Variants in RNF151 observed in about 807,000 individuals in gnomAD.
RNF151 encodes ring finger protein 151.
A neutral mutation model predicts 11.1 loss-of-function variants in RNF151; 9 were observed. The ratio of observed to expected loss-of-function variants is 0.81; its 90% CI spans 0.49 to 1.42. RNF151 has a LOEUF of 1.42. Among genes scored for constraint, RNF151 ranks in the 40% most tolerant of loss-of-function variants. The pLI is 0.00. For synonymous variants in RNF151, 172 were observed against 140.7 expected (o/e 1.22, Z -1.58); for missense variants, 372 against 342.9 (o/e 1.08, Z -0.67).
chr16:1,968,668 T>C lies in RNF151; in HGVS notation c.481T>C (p.Tyr161His). Residue 161 changes from tyrosine to histidine, a missense_variant, in exon 4 of 4, where the codon TAC becomes CAC. Tyr to His is a moderately conservative substitution (Grantham distance 83). Coordinates refer to ENST00000569714, the MANE Select transcript of RNF151 (RefSeq NM_174903.6). The part of the protein sequence containing the change: ...DPAERARHNC[Y>H]RELHNAWSVR... The stretch of plus-strand genomic sequence containing the variant: ...GGCCGAGCGTGCTCGCCACAACTGC[T>C]ACCGGGAGCTGCACAACGCCTGGAG... The C allele has an allele frequency of 6.4e-7, 1 of 1,567,984 alleles. No individual in the cohort carries two copies. Among genetic ancestry groups the C allele is most frequent in the Non-Finnish European group, 8.6e-7 (1 of 1,157,384 alleles).
In RNF151 at chr16:1,967,735, T is replaced by C. The variant is rs1403327823; in HGVS notation, c.160T>C (p.Cys54Arg). ...ILRWLARQKT[C>R]PCCRKEVKRK... ...CATGCCTCCTTCCAGACAAAAGACC[T>C]GTCCGTGCTGTAGGAAAGAGGTGAA... is the stretch of plus-strand genomic sequence containing the variant. The change falls in exon 3 of 4, where the codon TGT becomes CGT. Residue 54 changes from cysteine (C) to arginine (R), a missense_variant. By Grantham distance (180) the Cys-to-Arg change is radical. Coordinates refer to ENST00000569714, the MANE Select transcript of RNF151 (RefSeq NM_174903.6). 1.9e-6 allele frequency: 3 copies of C among 1,610,308 alleles called. No individual in the cohort carries two copies.
intron 1 of RNF151, 133 bp from the exon 2 acceptor site, chr16:1,967,141 G>T: frequency 8.2e-7 from 1 of 1,223,614 alleles, no homozygotes; most frequent in South Asian, 1.5e-5. Flanking sequence ...CAAAGTGGGC[G>T]CTGAGCCAAC....
chr16:1,966,896 GC>G lies in RNF151; in HGVS notation c.3+15del. The G allele has an allele frequency of 1.3e-6, 2 of 1,574,836 alleles. No individual in the cohort carries two copies. The highest frequency in any genetic ancestry group is 1.7e-6 in the Non-Finnish European group (2 of 1,156,078). On this transcript the variant is annotated intron_variant, in intron 1 of 3. Coordinates refer to ENST00000569714, the MANE Select transcript of RNF151 (RefSeq NM_174903.6). The stretch of plus-strand genomic sequence containing the variant: ...AGACGCAGATCATGGTGAGCCTGGG[GC>G]CCTCTTGCTTCCAGCCCTGAGATGT...
intron 3 of RNF151, chr16:1,968,120 C>T (rs926766716): frequency 1.6e-5 from 10 of 644,146 alleles, no homozygotes; most frequent in African/African-American, 5.5e-5. Flanking sequence ...CCTGCCACTA[C>T]TCTCTAGTCC....
At chr16:1,968,251 C>T (rs2083328542) in intron 3 of RNF151, among the ~76,000 whole-genome samples, 183 bp from the exon 4 acceptor site, 2 of 152,200 alleles carry the variant, frequency 1.3e-5, no homozygotes, top group African/African-American at 4.8e-5. Context: ...ACCCTCTCCC[C>T]TGGAACTTCT....
At chr16:1,967,577 G>A (rs112977886) in intron 2 of RNF151, 148 bp from the exon 3 acceptor site, 113 of 913,162 alleles carry the variant, frequency 1.2e-4, no homozygotes, top group East Asian at 1.2e-3. Context: ...TGCAGACCCC[G>A]GCCCCACCCT....
chr16:1,967,810 C>A lies in RNF151; in HGVS notation c.235C>A (p.Leu79Met). The A allele has an allele frequency of 6.2e-7, 1 of 1,608,010 alleles. No homozygotes were observed. Residue 79 changes from leucine to methionine, a missense_variant, in exon 3 of 4, where the codon CTG (leucine) becomes ATG (methionine). Leu to Met is a conservative substitution (Grantham distance 15). Coordinates refer to ENST00000569714, the MANE Select transcript of RNF151 (RefSeq NM_174903.6). ...MNKLRKTIGR[L>M]EVKCKNADAG... is the part of the protein sequence containing the mutation. Reference sequence around the variant, plus strand: ...TAAACTCCGGAAAACCATTGGCCGCCTGGAAGTCAAGGTAGCTCAAAGTAC... The same window carrying A: ...TAAACTCCGGAAAACCATTGGCCGCATGGAAGTCAAGGTAGCTCAAAGTAC...
At chr16:1,967,668 T>C in intron 2 of RNF151, 57 bp from the exon 3 acceptor site, 5 of 1,410,424 alleles carry the variant, frequency 3.5e-6, no homozygotes, top group Non-Finnish European at 4.9e-6. Flanking sequence ...GAGTGAGGGC[T>C]TGACCAGGGC....
chr16:1,967,931 G>A (rs2150877657), intron 3 of RNF151, 110 bp downstream of exon 3: 2 of 813,022 alleles, frequency 2.5e-6, no homozygotes, highest in East Asian at 2.7e-5. Flanking sequence ...AGAAACAAGT[G>A]CAGCCTTGGG....
rs752522140 is a variant in RNF151 at position 1,966,870 on chromosome 16, T to C, written c.-12T>C. ...TCTGGGGGCCTGTGGAGCTGCTGTC[T>C]AGACGCAGATCATGGTGAGCCTGGG... On this transcript the variant is annotated 5_prime_UTR_variant, in exon 1 of 4. Coordinates refer to ENST00000569714, the MANE Select transcript of RNF151 (RefSeq NM_174903.6). 2 of 1,572,160 alleles carry C rather than the reference T, an allele frequency of 1.3e-6. No individual in the cohort carries two copies. The highest frequency in any genetic ancestry group is 1.2e-5 in the South Asian group (1 of 86,706).
Position 1,966,898 on chromosome 16 carries a change from C to T in RNF151, c.3+14C>T. 1.3e-6 allele frequency: 2 copies of T among 1,574,368 alleles called. No homozygotes were observed. Among genetic ancestry groups the T allele is most frequent in the Non-Finnish European group, 1.7e-6 (2 of 1,155,740 alleles). The stretch of plus-strand genomic sequence containing the variant: ...ACGCAGATCATGGTGAGCCTGGGGC[C>T]CTCTTGCTTCCAGCCCTGAGATGTG... On this transcript the variant is annotated intron_variant, in intron 1 of 3. Transcript: ENST00000569714.
In RNF151 at chr16:1,968,895, G is replaced by A. The variant is rs2083337254; in HGVS notation, c.708G>A (p.Gly236=). The change falls in exon 4 of 4, where the codon GGG becomes GGA. Residue 236 remains glycine, a synonymous_variant. Transcript: ENST00000569714. ...PEGNVGAEVV[G]EPRANIPCK ...GCAACGTTGGGGCTGAGGTGGTGGG[G>A]GAGCCCAGGGCCAACATACCTTGTA... The A allele has an allele frequency of 1.3e-6, 2 of 1,599,040 alleles. No individual in the cohort carries two copies. The highest frequency in any genetic ancestry group is 3.4e-5 in the Admixed American group (2 of 58,192).
chr16:1,966,983 G>T (rs1214848671), intron 1 of RNF151, 99 bp downstream of exon 1: 29 of 1,373,114 alleles, frequency 2.1e-5, no homozygotes, highest in Non-Finnish European at 2.9e-5. Flanking sequence ...ACTCGGAAAG[G>T]GTGGGCAATG....
Position 1,968,761 on chromosome 16 carries a change from G to T in RNF151, c.574G>T (p.Ala192Ser). ...GCGGCGTGTGCGCTGGCTGGACCAA[G>T]CCACCAGTGTCGTTCGTAGAGAGCT... is the stretch of plus-strand genomic sequence containing the variant. ...LLRRVRWLDQ[A>S]TSVVRRELAE... is the part of the protein sequence containing the mutation. Residue 192 changes from alanine (A) to serine (S), a missense_variant, in exon 4 of 4, where the codon GCC becomes TCC. Ala to Ser is a moderately conservative substitution (Grantham distance 99). Transcript: ENST00000569714. 3.8e-6 allele frequency: 6 copies of T among 1,584,484 alleles called. No homozygotes were observed. Among genetic ancestry groups the T allele is most frequent in the Non-Finnish European group, 5.1e-6 (6 of 1,166,358 alleles).
chr16:1,966,895 G>A lies in RNF151; in HGVS notation c.3+11G>A. 1.3e-6 allele frequency: 2 copies of A among 1,574,280 alleles called. No individual in the cohort carries two copies. The highest frequency in any genetic ancestry group is 8.7e-7 in the Non-Finnish European group (1 of 1,156,054). On this transcript the variant is annotated intron_variant, in intron 1 of 3. Transcript: ENST00000569714. The stretch of plus-strand genomic sequence containing the variant: ...TAGACGCAGATCATGGTGAGCCTGG[G>A]GCCCTCTTGCTTCCAGCCCTGAGAT...
In RNF151 at chr16:1,967,744, T is replaced by C. The variant is rs766187224; in HGVS notation, c.169T>C (p.Cys57Arg). The C allele has an allele frequency of 5.0e-6, 8 of 1,611,496 alleles. No homozygotes were observed. Among genetic ancestry groups the C allele is most frequent in the Middle Eastern group, 3.3e-4 (2 of 6,058 alleles). ...TTCCAGACAAAAGACCTGTCCGTGC[T>C]GTAGGAAAGAGGTGAAAAGGAAAAA... ...WLARQKTCPC[C>R]RKEVKRKKVV... Residue 57 changes from cysteine (C) to arginine (R), a missense_variant, in exon 3 of 4, where the codon TGT (cysteine) becomes CGT (arginine). Coordinates refer to ENST00000569714, the MANE Select transcript of RNF151 (RefSeq NM_174903.6).
chr16:1,967,552 T>A (rs553380711), intron 2 of RNF151, 133 bp downstream of exon 2: 3 of 977,484 alleles, frequency 3.1e-6, no homozygotes, highest in Admixed American at 2.3e-5. Context: ...GTGTGTACCC[T>A]CACTCAGTAG....
intron 1 of RNF151, 34 bp from the exon 2 acceptor site, chr16:1,967,240 G>A: frequency 6.2e-7 from 1 of 1,602,054 alleles, no homozygotes; most frequent in African/African-American, 1.3e-5. Flanking sequence ...CTGGATCACT[G>A]TCCCAGCCAG....
intron 3 of RNF151, among the ~76,000 whole-genome samples, 166 bp from the exon 4 acceptor site, chr16:1,968,268 T>C (rs1363091576): frequency 2.0e-5 from 3 of 152,170 alleles, no homozygotes; most frequent in Admixed American, 1.3e-4. Flanking sequence ...TTCTAGCTTC[T>C]TCCCACGTCT....
Sources: allele counts gnomAD v4.1 joint callset (sites outside exome capture counted in the v4.1 genomes callset), GRCh38; gene constraint gnomAD v4.1.1; transcripts MANE v1.5; gene names NCBI Gene and HGNC (gene_info 2026-07-23, HGNC 2026-07-21).